Variants in TENM2 observed in about 807,000 individuals in gnomAD.
TENM2 encodes the protein teneurin-2.
Under a neutral mutation model 245.2 loss-of-function variants are expected in TENM2, and 52 were observed. The observed-to-expected ratio is 0.21, with a 90% CI of 0.17 to 0.27. TENM2 has a LOEUF of 0.27. Ranked by LOEUF, TENM2 falls within the 10% of genes least tolerant of loss-of-function variation. TENM2 has a pLI of 1.00. For synonymous variants in TENM2, 1,363 were observed against 1,438.9 expected (o/e 0.95, Z 1.19); for missense variants, 3,046 against 3,666.8 (o/e 0.83, Z 4.37).
chr5:167,532,713 T>A (rs1771589530), intron 2 of TENM2, among the ~76,000 whole-genome samples: 1 of 136,832 alleles, frequency 7.3e-6, no homozygotes, highest in East Asian at 2.2e-4. Flanking sequence ...TATCTATATA[T>A]GTATATATAC....
At chr5:167,505,095 C>T (rs1165033698) in intron 2 of TENM2, among the ~76,000 whole-genome samples, 1 of 151,920 alleles carries the variant, frequency 6.6e-6, no homozygotes, top group Non-Finnish European at 1.5e-5. Context: ...TGTATCTATT[C>T]CATTAACATG....
intron 2 of TENM2, among the ~76,000 whole-genome samples, chr5:167,651,957 A>G (rs772831801): frequency 2.0e-5 from 3 of 152,212 alleles, no homozygotes; most frequent in African/African-American, 4.8e-5. Flanking sequence ...TTTGGTTTTC[A>G]GCATTGCCAC....
intron 1 of TENM2, among the ~76,000 whole-genome samples, chr5:167,290,426 T>A (rs1278517206): frequency 6.6e-6 from 1 of 152,212 alleles, no homozygotes; most frequent in Non-Finnish European, 1.5e-5. Flanking sequence ...GTGCTAGTAG[T>A]TATCGTTACA....
intron 4 of TENM2, among the ~76,000 whole-genome samples, chr5:167,960,362 G>A (rs1040269028): frequency 6.6e-6 from 1 of 152,202 alleles, no homozygotes; most frequent in African/African-American, 2.4e-5. Context: ...CTCTGACTGG[G>A]TCTGCTGCCT....
intron 2 of TENM2, among the ~76,000 whole-genome samples, chr5:167,650,375 C>A (rs1469488696): frequency 6.6e-6 from 1 of 152,060 alleles, no homozygotes; most frequent in African/African-American, 2.4e-5. Context: ...GGTAATAATT[C>A]TTTTTTTCTG....
At position 167,569,078 on chromosome 5, in the gene TENM2, C is replaced by CTTTTTTTTTTT. The variant is rs34311803; in HGVS notation, c.502+193625_502+193635dup. ...ATCAATGAGTATCACCTTCCTACAG[C>CTTTTTTTTTTT]TTTTTTTTTTTTTTTTTTTTTTTTT... is the stretch of plus-strand genomic sequence containing the variant. On this transcript the variant is annotated intron_variant, in intron 2 of 28. Transcript: ENST00000518659. Among the ~76,000 whole-genome samples, 10 of 48,966 alleles carry CTTTTTTTTTTT rather than the reference C, an allele frequency of 2.0e-4. 1 individual carries two copies. The highest frequency in any genetic ancestry group is 9.3e-4 in the African/African-American group (10 of 10,792). The allele number at this position is 48,966 out of a possible 152,430, so 32.1% of individuals were successfully genotyped here.
At chr5:167,710,961 A>G (rs1482049829) in intron 2 of TENM2, among the ~76,000 whole-genome samples, 1 of 152,220 alleles carries the variant, frequency 6.6e-6, no homozygotes, top group African/African-American at 2.4e-5. Flanking sequence ...CATGAATTCA[A>G]CAAGTAGTCA....
At chr5:167,532,311 T>TTA (rs138043787) in intron 2 of TENM2, among the ~76,000 whole-genome samples, 9,244 of 151,872 alleles carry the variant, frequency 0.061, 375 homozygotes, top group East Asian at 0.2. Flanking sequence ...CTCTCTCTTT[T>TTA]TATATATATA....
chr5:168,221,231 G>A (rs1462010909), intron 23 of TENM2, among the ~76,000 whole-genome samples: 1 of 152,184 alleles, frequency 6.6e-6, no homozygotes, highest in African/African-American at 2.4e-5. Flanking sequence ...CCCTATAGGT[G>A]AGAAGAGTGG....
chr5:166,997,244 C>T, the TENM2 span, among the ~76,000 whole-genome samples: 4 of 152,196 alleles, frequency 2.6e-5, no homozygotes, highest in African/African-American at 9.7e-5. Context: ...ACATCAGTTA[C>T]AGAATAGTTA....
chr5:167,417,458 A>G (rs1414701023), intron 2 of TENM2, among the ~76,000 whole-genome samples: 2 of 152,104 alleles, frequency 1.3e-5, no homozygotes, highest in African/African-American at 2.4e-5. Context: ...TATTTCCTCC[A>G]TGTGACATGA....
chr5:168,060,685 A>G (rs1238969552), intron 6 of TENM2, among the ~76,000 whole-genome samples: 1 of 152,230 alleles, frequency 6.6e-6, no homozygotes, highest in Non-Finnish European at 1.5e-5. Context: ...ATAAAAATCA[A>G]TCACCTCATA....
intron 2 of TENM2, among the ~76,000 whole-genome samples, chr5:167,816,268 A>G (rs1404394016): frequency 6.6e-6 from 1 of 152,012 alleles, no homozygotes; most frequent in African/African-American, 2.4e-5. Flanking sequence ...TGATCTCTCT[A>G]CCTGCTTCTT....
chr5:167,853,297 A>AAAAAAAAAAAAAAAAAAAAAAAAAAAAAG (rs1561856624), intron 2 of TENM2, among the ~76,000 whole-genome samples: 1 of 141,502 alleles, frequency 7.1e-6, no homozygotes, highest in African/African-American at 2.7e-5. Flanking sequence ...CTCAAAAAAA[A>AAAAAAAAAAAAAAAAAAAAAAAAAAAAAG]AAAAAAAAAA....
intron 1 of TENM2, among the ~76,000 whole-genome samples, chr5:167,360,946 C>T (rs77650887): frequency 1.3e-3 from 204 of 152,240 alleles, no homozygotes; most frequent in Non-Finnish European, 2.5e-3. Context: ...GAACAAAGTG[C>T]GTGGGTTTCC....
the TENM2 span, among the ~76,000 whole-genome samples, chr5:167,112,627 A>G: frequency 6.6e-6 from 1 of 152,266 alleles, no homozygotes; most frequent in Non-Finnish European, 1.5e-5. Flanking sequence ...TCAAAAAATT[A>G]TATGAGGCCT....
At chr5:168,227,554 A>G (rs1358853703) in intron 24 of TENM2, among the ~76,000 whole-genome samples, 3 of 147,552 alleles carry the variant, frequency 2.0e-5, no homozygotes, top group African/African-American at 5.0e-5. Context: ...GCTAAAATAT[A>G]TATGTTAAGC....
intron 2 of TENM2, among the ~76,000 whole-genome samples, chr5:167,577,829 C>T (rs1222175348): frequency 1.3e-5 from 2 of 152,072 alleles, no homozygotes; most frequent in African/African-American, 2.4e-5. Flanking sequence ...GAGAATCTGA[C>T]GAAGATGCAA....
At chr5:167,994,746 A>C (rs1783925509) in intron 5 of TENM2, among the ~76,000 whole-genome samples, 1 of 152,166 alleles carries the variant, frequency 6.6e-6, no homozygotes, top group Non-Finnish European at 1.5e-5. Context: ...ACAGCTGTAC[A>C]CGGGAACTGA....
Sources: allele counts gnomAD v4.1 joint callset (sites outside exome capture counted in the v4.1 genomes callset), GRCh38; gene constraint gnomAD v4.1.1; transcripts MANE v1.5; gene names NCBI Gene and HGNC (gene_info 2026-07-23, HGNC 2026-07-21).